SS18L1: variants seen among roughly 807,000 people sequenced by gnomAD.
SS18L1 encodes the protein calcium-responsive transactivator.
Under a neutral mutation model 70.3 loss-of-function variants are expected in SS18L1, and 32 were observed. The ratio of observed to expected loss-of-function variants is 0.46; its 90% CI spans 0.34 to 0.61. The LOEUF is 0.61. SS18L1 is among the 20% of genes least tolerant of loss of function. The probability of loss-of-function intolerance (pLI) is 0.01; values close to 1 mark genes in which losing one functional copy is unlikely to be tolerated. For synonymous variants in SS18L1, 237 were observed against 229.7 expected, an observed-to-expected ratio of 1.03 and a Z score of -0.29; for missense variants, 430 against 542.1, an observed-to-expected ratio of 0.79 and a Z score of 2.05.
chr20:62,176,761 C>T (rs1295674224), intron 10 of SS18L1, among the ~76,000 whole-genome samples: 1 of 152,006 alleles, frequency 6.6e-6, no homozygotes, highest in Non-Finnish European at 1.5e-5. Context: ...CACGCCACTG[C>T]ACCCCAGCCT....
In SS18L1 at chr20:62,179,911, C is replaced by T. The variant is rs1193136540; in HGVS notation, c.*703C>T. On this transcript the variant is annotated 3_prime_UTR_variant, in exon 11 of 11. Transcript: ENST00000331758. The stretch of plus-strand genomic sequence containing the variant: ...GTAAACAGGGATCAGTGACTGTATT[C>T]CAAATAAATATGAATCCCTAAGGGC... 4.5e-6 allele frequency: 1 copy of T among 223,684 alleles called. No homozygotes were observed. Among genetic ancestry groups the T allele is most frequent in the Non-Finnish European group, 8.9e-6 (1 of 112,202 alleles). 13.9% of individuals were successfully genotyped at this position (223,684 alleles called of 1,614,324 possible). A position where few individuals can be genotyped will look rare whatever the true frequency, so the allele number is the denominator to read the frequency against.
At chr20:62,146,908 G>A (rs551142849) in intron 1 of SS18L1, among the ~76,000 whole-genome samples, 81 of 152,176 alleles carry the variant, frequency 5.3e-4, no homozygotes, top group Admixed American at 1.1e-3. Context: ...TTACAGGCAT[G>A]AGCCACCATG....
At position 62,181,432 on chromosome 20, in the gene SS18L1, TTTA is replaced by T. The variant is rs1319898399; in HGVS notation, c.*2227_*2229del. ...ACATTTTAGATAACTGTGAAGATAG[TTTA>T]TTTTTATTCCTTGCCAATCTGGGAA... On this transcript the variant is annotated 3_prime_UTR_variant, in exon 11 of 11. Transcript: ENST00000331758. 4.8e-6 allele frequency: 1 copy of T among 208,038 alleles called. No individual in the cohort carries two copies. The highest frequency in any genetic ancestry group is 9.8e-6 in the Non-Finnish European group (1 of 101,952). The allele number at this position is 208,038 out of a possible 1,614,324, so 12.9% of individuals were successfully genotyped here. A position where few individuals can be genotyped will look rare whatever the true frequency, so the allele number is the denominator to read the frequency against.
In SS18L1 at chr20:62,174,182, T is replaced by C. The variant is rs531171761; in HGVS notation, c.1037-335T>C. Among the ~76,000 whole-genome samples, 1 of 152,280 alleles carries C rather than the reference T, an allele frequency of 6.6e-6. No individual in the cohort carries two copies. Among genetic ancestry groups the C allele is most frequent in the African/African-American group, 2.4e-5 (1 of 41,562 alleles). ...CAGTGTGACTGGGGCCAGCGGGTTCTGGAGGGCTGTCCTGCCTTCAGGTAG... is the reference window on the plus strand; with the variant it reads ...CAGTGTGACTGGGGCCAGCGGGTTCCGGAGGGCTGTCCTGCCTTCAGGTAG... On this transcript the variant is annotated intron_variant, in intron 9 of 10. Coordinates refer to ENST00000331758, the MANE Select transcript of SS18L1 (RefSeq NM_198935.3). The surrounding 1 kb of genome is among the most constrained non-coding windows in gnomAD (Gnocchi z 4.1).
At chr20:62,156,548 C>T (rs1256763516) in intron 1 of SS18L1, among the ~76,000 whole-genome samples, 2 of 152,228 alleles carry the variant, frequency 1.3e-5, no homozygotes, top group Non-Finnish European at 2.9e-5. Context: ...GCAGGAGAAA[C>T]CAACCCTGAA....
intron 10 of SS18L1, among the ~76,000 whole-genome samples, chr20:62,176,514 T>TA (rs969326261): frequency 9.3e-5 from 14 of 150,052 alleles, no homozygotes; most frequent in Admixed American, 6.0e-4. Context: ...GACTTTGTCT[T>TA]AAAAAAAGGA....
At chr20:62,173,910 A>T (rs2057574701) in intron 9 of SS18L1, among the ~76,000 whole-genome samples, 1 of 151,388 alleles carries the variant, frequency 6.6e-6, no homozygotes, top group African/African-American at 2.4e-5. Flanking sequence ...GCTACTTGGG[A>T]GGCTGAGGCA....
Position 62,179,200 on chromosome 20 carries a change from C to T in SS18L1, c.1183C>T (p.Gln395Ter). ...GYEQGQYGNY[Q>*]Q ...CTTTTAGGGCCAGTATGGAAATTAC[C>T]AGCAGTAAGGGACACACATTCTGGC... The change falls in exon 11 of 11, where the codon CAG (glutamine) becomes TAG (stop). Residue 395 changes from glutamine (Q) to a stop codon, truncating the protein, a stop_gained. Coordinates refer to ENST00000331758, the MANE Select transcript of SS18L1 (RefSeq NM_198935.3). LOFTEE classifies it high-confidence loss of function. 6.2e-7 allele frequency: 1 copy of T among 1,614,134 alleles called. No individual in the cohort carries two copies. The highest frequency in any genetic ancestry group is 8.5e-7 in the Non-Finnish European group (1 of 1,180,020).
Position 62,161,355 on chromosome 20 carries a change from C to T in SS18L1, c.232-81C>T. The stretch of plus-strand genomic sequence containing the variant: ...ATGTGTGGCGGCAAATCTCGGGTGC[C>T]CTCTCATCCCTGGCCTGGCTTGTGG... On this transcript the variant is annotated intron_variant, in intron 3 of 10. Coordinates refer to ENST00000331758, the MANE Select transcript of SS18L1 (RefSeq NM_198935.3). The surrounding 1 kb of genome is among the most constrained non-coding windows in gnomAD (Gnocchi z 4.4). 6.2e-7 allele frequency: 1 copy of T among 1,603,096 alleles called. No individual in the cohort carries two copies.
intron 10 of SS18L1, chr20:62,175,463 C>T (rs1710307492): frequency 2.0e-6 from 2 of 984,856 alleles, no homozygotes. Context: ...GAGGGCGTGC[C>T]AAGGTCCTGA....
Position 62,174,746 on chromosome 20 carries a change from C to G in SS18L1, c.1164+102C>G. 6.2e-7 allele frequency: 1 copy of G among 1,606,768 alleles called. No homozygotes were observed. The highest frequency in any genetic ancestry group is 1.1e-5 in the South Asian group (1 of 90,008). ...ATGAGGAATAATGAGCTGGAACTAA[C>G]TGGCTTCCAGGGTTCCTTCCAGAAC... On this transcript the variant is annotated intron_variant, in intron 10 of 10. Transcript: ENST00000331758. This position sits in a 1 kb window ranked among gnomAD's most constrained non-coding sequence, Gnocchi z 4.1.
chr20:62,165,362 C>T, intron 7 of SS18L1, 60 bp from the exon 8 acceptor site: 1 of 1,525,832 alleles, frequency 6.6e-7, no homozygotes, highest in Non-Finnish European at 8.9e-7. Context: ...TCAGTTGCCT[C>T]CTCCGGGACC....
In SS18L1 at chr20:62,182,481, A is replaced by G. The variant is rs1293402349; in HGVS notation, c.*3273A>G. The G allele has an allele frequency of 1.1e-5, 2 of 187,198 alleles. No homozygotes were observed. Among genetic ancestry groups the G allele is most frequent in the African/African-American group, 4.7e-5 (2 of 42,632 alleles). The allele number at this position is 187,198 out of a possible 1,614,324, so 11.6% of individuals were successfully genotyped here. On this transcript the variant is annotated 3_prime_UTR_variant, in exon 11 of 11. Coordinates refer to ENST00000331758, the MANE Select transcript of SS18L1 (RefSeq NM_198935.3). ...TCTCTTAATAAACTGGTTCTTCAAA[A>G]ATCATCCTATAAAGTGAGTTTTCAT...
At position 62,158,004 on chromosome 20, in the gene SS18L1, G is replaced by T. The variant is rs1462364913; in HGVS notation, c.70-668G>T. Among the ~76,000 whole-genome samples, 1 of 152,144 alleles carries T rather than the reference G, an allele frequency of 6.6e-6. No individual in the cohort carries two copies. Among genetic ancestry groups the T allele is most frequent in the East Asian group, 1.9e-4 (1 of 5,190 alleles). ...CTCGATGCCCTTACCACCTGGGAGT[G>T]CCCTGGACCCCTGCTGATCCTTGGG... On this transcript the variant is annotated intron_variant, in intron 1 of 10. Coordinates refer to ENST00000331758, the MANE Select transcript of SS18L1 (RefSeq NM_198935.3). This position sits in a 1 kb window ranked among gnomAD's most constrained non-coding sequence, Gnocchi z 4.5.
intron 1 of SS18L1, among the ~76,000 whole-genome samples, chr20:62,150,761 G>C (rs1372836048): frequency 6.7e-6 from 1 of 148,152 alleles, no homozygotes; most frequent in African/African-American, 2.5e-5. Flanking sequence ...CAAGGGACAG[G>C]TGAGGTCTCT....
chr20:62,148,651 C>G (rs558269744), intron 1 of SS18L1, among the ~76,000 whole-genome samples: 2 of 152,346 alleles, frequency 1.3e-5, no homozygotes, highest in South Asian at 4.1e-4. Flanking sequence ...GTGAGGGAGG[C>G]GCTCTGCAAG....
rs34708339 is a variant in SS18L1, at chr20:62,150,633, ATTTTTTTTTTTTTTTTTTTT to A, written c.69+6762_69+6781del. 4.9e-3 allele frequency among the ~76,000 whole-genome samples: 284 copies of A among 58,056 alleles called. 2 individuals are homozygous for A. Among genetic ancestry groups the A allele is most frequent in the African/African-American group, 0.012 (229 of 18,802 alleles). 38.1% of individuals were successfully genotyped at this position (58,056 alleles called of 152,430 possible). ...CGGAGCATAAGAAACATTGAGGTGGATTTTTTTTTTTTTTTTTTTTTTTTTTTTTTTTTTTTTGGAGACAG... is the reference window on the plus strand; with the variant it reads ...CGGAGCATAAGAAACATTGAGGTGGATTTTTTTTTTTTTTTTTGGAGACAG... On this transcript the variant is annotated intron_variant, in intron 1 of 10. Transcript: ENST00000331758.
In SS18L1 at chr20:62,181,371, C is replaced by CA. The variant is rs1404963699; in HGVS notation, c.*2165dup. The CA allele has an allele frequency of 4.8e-6, 1 of 207,514 alleles. No individual in the cohort carries two copies. The highest frequency in any genetic ancestry group is 2.3e-5 in the African/African-American group (1 of 43,860). The allele number at this position is 207,514 out of a possible 1,614,324, so 12.9% of individuals were successfully genotyped here. On this transcript the variant is annotated 3_prime_UTR_variant, in exon 11 of 11. Coordinates refer to ENST00000331758, the MANE Select transcript of SS18L1 (RefSeq NM_198935.3). ...TTTTCATAGACCTAATTTGCAAACT[C>CA]AATCGGGGACTAAAATTTCCCACTG...
rs200463488 is a variant in SS18L1, at chr20:62,158,662, C to T, written c.70-10C>T. ...CGCGTCGGCAGCGCCCGCTCACGCT[C>T]TCTCCGCAGATGCTGGACGAGAACC... On this transcript the variant is annotated splice_polypyrimidine_tract_variant and intron_variant, in intron 1 of 10. Coordinates refer to ENST00000331758, the MANE Select transcript of SS18L1 (RefSeq NM_198935.3). This position sits in a 1 kb window ranked among gnomAD's most constrained non-coding sequence, Gnocchi z 4.5. 2.7e-5 allele frequency: 43 copies of T among 1,612,056 alleles called. No homozygotes were observed. The highest frequency in any genetic ancestry group is 3.6e-5 in the Non-Finnish European group (43 of 1,179,958).
Sources: gnomAD v4.1 joint callset for allele counts (sites outside exome capture counted in the v4.1 genomes callset) on GRCh38, gnomAD v4.1.1 for gene constraint, Gnocchi (gnomAD v3.1) non-coding constraint, MANE v1.5 for transcripts, NCBI Gene and HGNC (gene_info 2026-07-23, HGNC 2026-07-21) for gene names.